The following PSMD7 variants were observed in gnomAD, a reference collection of about 807,000 sequenced individuals.
PSMD7 encodes the protein proteasome 26S subunit, non-ATPase 7.
Under a neutral mutation model 36.4 loss-of-function variants are expected in PSMD7, and 13 were observed. The ratio of observed to expected loss-of-function variants is 0.36; its 90% CI spans 0.23 to 0.57. The LOEUF is 0.57. PSMD7 is among the 20% of genes least tolerant of loss of function. The pLI, the probability that PSMD7 is intolerant of heterozygous loss-of-function variation, is 0.83. For missense variants in PSMD7, 298 were observed against 393.6 expected (o/e 0.76, Z 2.06); for synonymous variants, 186 against 151.0 (o/e 1.23, Z -1.70).
At chr16:74,304,244 G>T in intron 5 of PSMD7, 59 bp from the exon 6 acceptor site, 1 of 1,497,390 alleles carries the variant, frequency 6.7e-7, no homozygotes, top group South Asian at 1.1e-5. Flanking sequence ...GTGCGAAAAG[G>T]AACACATGTC....
At chr16:74,297,047 C>G (rs1481064723) in intron 1 of PSMD7, 59 bp downstream of exon 1, 1 of 1,563,152 alleles carries the variant, frequency 6.4e-7, no homozygotes, top group African/African-American at 1.3e-5. Context: ...CACGGGCACG[C>G]TGGAGATGGC....
chr16:74,297,560 C>T (rs2034123458), intron 1 of PSMD7, among the ~76,000 whole-genome samples: 1 of 151,908 alleles, frequency 6.6e-6, no homozygotes, highest in Non-Finnish European at 1.5e-5. Context: ...CTCCATTTAG[C>T]CCCGCCCCAA....
At position 74,296,865 on chromosome 16, in the gene PSMD7, G is replaced by C. The variant is rs760861334; in HGVS notation, c.-50G>C. On this transcript the variant is annotated 5_prime_UTR_variant, in exon 1 of 7. Coordinates refer to ENST00000219313, the MANE Select transcript of PSMD7 (RefSeq NM_002811.5). Reference sequence around the variant, plus strand: ...GGTACCGGTGACCGCTACTGCTGCCGGTGTTTGCGTGTGGCAGGGAGCCAG... The same window carrying C: ...GGTACCGGTGACCGCTACTGCTGCCCGTGTTTGCGTGTGGCAGGGAGCCAG... 8 of 1,597,098 alleles carry C rather than the reference G, an allele frequency of 5.0e-6. No individual in the cohort carries two copies. In the East Asian group the frequency reaches 1.8e-4, roughly 36 times the overall value.
intron 5 of PSMD7, among the ~76,000 whole-genome samples, chr16:74,303,342 A>G (rs143531747): frequency 5.1e-4 from 77 of 152,344 alleles, no homozygotes; most frequent in East Asian, 1.7e-3. Context: ...GAGCTCGCCT[A>G]TTACATACAT....
chr16:74,302,752 A>G (rs2034165305), intron 5 of PSMD7, among the ~76,000 whole-genome samples: 1 of 152,246 alleles, frequency 6.6e-6, no homozygotes, highest in African/African-American at 2.4e-5. Flanking sequence ...CCAAAAAACC[A>G]AGAAATCCAA....
At chr16:74,300,956 G>GT in intron 2 of PSMD7, 96 bp from the exon 3 acceptor site, 1 of 629,512 alleles carries the variant, frequency 1.6e-6, no homozygotes, top group Non-Finnish European at 2.7e-6. Flanking sequence ...AGTGAAACAC[G>GT]TAAGTGAATC....
intron 1 of PSMD7, chr16:74,299,706 T>A (rs2034141273): frequency 3.0e-6 from 1 of 333,078 alleles, no homozygotes; most frequent in Non-Finnish European, 6.0e-6. Flanking sequence ...CTCCATCATC[T>A]TTATTCCAAA....
chr16:74,304,891 T>C (rs748617424), intron 6 of PSMD7, among the ~76,000 whole-genome samples: 2 of 152,196 alleles, frequency 1.3e-5, no homozygotes, highest in Non-Finnish European at 2.9e-5. Context: ...CTTCTCAATA[T>C]TCTGGAGATG....
At chr16:74,298,441 G>C (rs1304298817) in intron 1 of PSMD7, among the ~76,000 whole-genome samples, 1 of 152,198 alleles carries the variant, frequency 6.6e-6, no homozygotes, top group Non-Finnish European at 1.5e-5. Flanking sequence ...AACTAATTCA[G>C]CTGGATCCGG....
chr16:74,299,799 A>T (rs781673687), intron 1 of PSMD7: 7 of 430,556 alleles, frequency 1.6e-5, no homozygotes, highest in Non-Finnish European at 2.6e-5. Context: ...CAAAGCTTAA[A>T]TGTGTTTTCA....
At chr16:74,298,270 C>G (rs1168843285) in intron 1 of PSMD7, among the ~76,000 whole-genome samples, 1 of 151,910 alleles carries the variant, frequency 6.6e-6, no homozygotes, top group Non-Finnish European at 1.5e-5. Flanking sequence ...ACATCCACCA[C>G]CTCTTGGCTT....
rs2034187415 is a variant in PSMD7, at chr16:74,305,397, A to G, written c.639A>G (p.Glu213=). 2 of 1,614,204 alleles carry G rather than the reference A, an allele frequency of 1.2e-6. No individual in the cohort carries two copies. Among genetic ancestry groups the G allele is most frequent in the Non-Finnish European group, 1.7e-6 (2 of 1,180,042 alleles). Residue 213 remains glutamate, a synonymous_variant, in exon 7 of 7, where the codon GAA becomes GAG. Coordinates refer to ENST00000219313, the MANE Select transcript of PSMD7 (RefSeq NM_002811.5). ...SKLLDIRSYL[E]KVATGKLPIN... The stretch of plus-strand genomic sequence containing the variant: ...TTCTGGATATCAGGAGCTACCTGGA[A>G]AAAGTCGCCACAGGCAAGCTGCCCA...
At chr16:74,299,072 C>G (rs2034136284) in intron 1 of PSMD7, among the ~76,000 whole-genome samples, 1 of 141,506 alleles carries the variant, frequency 7.1e-6, no homozygotes, top group Non-Finnish European at 1.5e-5. Context: ...TTGTTTGATT[C>G]AAACCCCAAA....
Position 74,305,923 on chromosome 16 carries a change from G to T in PSMD7, c.*190G>T, listed in dbSNP as rs769440039. 3.4e-4 allele frequency: 171 copies of T among 498,584 alleles called. No individual in the cohort carries two copies. Among genetic ancestry groups the T allele is most frequent in the Non-Finnish European group, 4.7e-4 (151 of 318,012 alleles). The allele number at this position is 498,584 out of a possible 1,614,324, so 30.9% of individuals were successfully genotyped here. On this transcript the variant is annotated 3_prime_UTR_variant, in exon 7 of 7. Transcript: ENST00000219313. ...TGGAGACTGATCTCAAATCTGAACTGCAGCTTTCGCTGCTGTGAGTTGGGG... is the reference window on the plus strand; with the variant it reads ...TGGAGACTGATCTCAAATCTGAACTTCAGCTTTCGCTGCTGTGAGTTGGGG...
intron 3 of PSMD7, 67 bp downstream of exon 3, chr16:74,301,211 G>A (rs1234485827): frequency 2.9e-5 from 32 of 1,096,576 alleles, no homozygotes; most frequent in South Asian, 2.1e-4. Context: ...TCTTCTGTTC[G>A]CTTTTCTTTA....
chr16:74,300,193 G>A lies in PSMD7; in HGVS notation c.153G>A (p.Ser51=), dbSNP rs765196405. The change falls in exon 2 of 7, where the codon TCG becomes TCA. Residue 51 remains serine, a synonymous_variant. Transcript: ENST00000219313. ...GGCAAAAGAAAGTACTTGATGTATC[G>A]AACAGTTTTGCAGGTAAAAGACAAA... The part of the protein sequence containing the change: ...GSWQKKVLDV[S]NSFAVPFDED... 1.9e-5 allele frequency: 30 copies of A among 1,613,778 alleles called. No individual in the cohort carries two copies. The highest frequency in any genetic ancestry group is 4.4e-5 in the South Asian group (4 of 91,080).
chr16:74,301,101 T>C lies in PSMD7; in HGVS notation c.216T>C (p.His72=), dbSNP rs150308557. The change falls in exon 3 of 7, where the codon CAT becomes CAC. Residue 72 remains histidine (H), a synonymous_variant. Coordinates refer to ENST00000219313, the MANE Select transcript of PSMD7 (RefSeq NM_002811.5). ...DKDDSVWFLD[H]DYLENMYGMF... is the part of the protein sequence containing the mutation. Reference sequence around the variant, plus strand: ...ACGATTCTGTATGGTTTTTAGACCATGATTATTTGGAAAACATGTATGGAA... The same window carrying C: ...ACGATTCTGTATGGTTTTTAGACCACGATTATTTGGAAAACATGTATGGAA... 4,915 of 1,612,532 alleles carry C rather than the reference T, an allele frequency of 3.0e-3. 9 individuals carry two copies. The highest frequency in any genetic ancestry group is 3.9e-3 in the Non-Finnish European group (4,612 of 1,178,754).
chr16:74,300,753 T>A (rs749339366), intron 2 of PSMD7, among the ~76,000 whole-genome samples: 2 of 152,170 alleles, frequency 1.3e-5, no homozygotes, highest in Non-Finnish European at 2.9e-5. Flanking sequence ...TTGAAAAATA[T>A]CAGGAAGTAA....
chr16:74,299,311 A>G (rs1011963044), intron 1 of PSMD7, among the ~76,000 whole-genome samples: 6 of 152,222 alleles, frequency 3.9e-5, no homozygotes, highest in Admixed American at 2.6e-4. Context: ...CTTAGGAGAA[A>G]ATGACTGAGG....
Sources: gnomAD v4.1 joint callset for allele counts (sites outside exome capture counted in the v4.1 genomes callset) on GRCh38, gnomAD v4.1.1 for gene constraint, MANE v1.5 for transcripts, NCBI Gene and HGNC (gene_info 2026-07-23, HGNC 2026-07-21) for gene names.